The following PLXNA4 variants were observed in gnomAD, a reference collection of about 807,000 sequenced individuals.
The protein encoded by PLXNA4 is plexin A4.
Under a neutral mutation model 191.8 loss-of-function variants are expected in PLXNA4, and 44 were observed. The ratio of observed to expected loss-of-function variants is 0.23; its 90% CI spans 0.18 to 0.29. The LOEUF is 0.29. Among genes scored for constraint, PLXNA4 ranks in the 10% least tolerant of loss-of-function variants. The pLI is 1.00. For missense variants in PLXNA4, 1,800 were observed against 2,488.8 expected, an observed-to-expected ratio of 0.72 and a Z score of 5.89; for synonymous variants, 1,082 against 1,009.5, an observed-to-expected ratio of 1.07 and a Z score of -1.36.
intron 3 of PLXNA4, among the ~76,000 whole-genome samples, chr7:132,322,252 G>A (rs919050934): frequency 7.4e-5 from 11 of 149,076 alleles, no homozygotes; most frequent in African/African-American, 2.3e-4. Flanking sequence ...GTGCAAACTC[G>A]GCTCACTGCA....
At chr7:132,321,268 T>C (rs1175734851) in intron 3 of PLXNA4, among the ~76,000 whole-genome samples, 3 of 152,170 alleles carry the variant, frequency 2.0e-5, no homozygotes, top group Non-Finnish European at 4.4e-5. Context: ...CTGTTATTTT[T>C]CTGTCTGCCA....
At chr7:132,647,467 A>G (rs1192911290) in intron 1 of PLXNA4, among the ~76,000 whole-genome samples, 1 of 152,070 alleles carries the variant, frequency 6.6e-6, no homozygotes, top group African/African-American at 2.4e-5. Context: ...ACACAGTCAC[A>G]CATATACTCA....
intron 3 of PLXNA4, among the ~76,000 whole-genome samples, chr7:132,451,945 C>T (rs1426492): frequency 0.7 from 106,607 of 152,216 alleles, 43,413 homozygotes; most frequent in Non-Finnish European, 0.91. Context: ...TGTCTGGAAG[C>T]TCTTCCCAAA....
At chr7:132,507,384 A>G (rs1483336019) in intron 2 of PLXNA4, 122 bp downstream of exon 2, 2 of 1,076,334 alleles carry the variant, frequency 1.9e-6, no homozygotes, top group Non-Finnish European at 2.6e-6. Flanking sequence ...CAGAGATGGG[A>G]TGGGATATAC....
chr7:132,174,945 A>AT (rs1326070981), intron 20 of PLXNA4, 25 bp from the exon 21 acceptor site: 1 of 1,612,700 alleles, frequency 6.2e-7, no homozygotes. Context: ...AGCCTGTGAG[A>AT]TGGCTGGATG....
intron 3 of PLXNA4, among the ~76,000 whole-genome samples, chr7:132,430,929 T>A (rs761528652): frequency 6.6e-6 from 1 of 151,762 alleles, no homozygotes. Flanking sequence ...AGCGGAAGAG[T>A]GGCTGTGGGC....
At chr7:132,306,677 G>T (rs1474917156) in intron 3 of PLXNA4, among the ~76,000 whole-genome samples, 2 of 152,246 alleles carry the variant, frequency 1.3e-5, no homozygotes, top group South Asian at 2.1e-4. Context: ...TGAATGAATG[G>T]CCTGAGAAGC....
At chr7:132,468,493 A>C (rs1376763481) in intron 3 of PLXNA4, among the ~76,000 whole-genome samples, 1 of 152,168 alleles carries the variant, frequency 6.6e-6, no homozygotes, top group Admixed American at 6.5e-5. Flanking sequence ...TCAGGTGGGG[A>C]AGTCTTAGCC....
chr7:132,436,769 T>C (rs991835420), intron 3 of PLXNA4, among the ~76,000 whole-genome samples: 1 of 152,148 alleles, frequency 6.6e-6, no homozygotes, highest in African/African-American at 2.4e-5. Flanking sequence ...AAGGAGAAGC[T>C]GAAAGATGTT....
At chr7:132,562,868 CCT>C (rs1801308650) in intron 1 of PLXNA4, among the ~76,000 whole-genome samples, 1 of 126,088 alleles carries the variant, frequency 7.9e-6, no homozygotes, top group Admixed American at 7.5e-5. Context: ...TCCTCCTTCT[CCT>C]CCTCCTCTTC....
intron 1 of PLXNA4, among the ~76,000 whole-genome samples, chr7:132,535,216 G>A (rs1018357029): frequency 2.6e-5 from 4 of 152,302 alleles, no homozygotes; most frequent in African/African-American, 9.6e-5. Flanking sequence ...CTGGATTTAT[G>A]TTCACCATCA....
At chr7:132,386,488 C>A (rs1352925905) in intron 3 of PLXNA4, among the ~76,000 whole-genome samples, 4 of 152,156 alleles carry the variant, frequency 2.6e-5, no homozygotes, top group Non-Finnish European at 5.9e-5. Flanking sequence ...TGCAGCCTAG[C>A]TTTTTCTTTC....
intron 2 of PLXNA4, among the ~76,000 whole-genome samples, chr7:132,635,518 G>A (rs1330226767): frequency 3.9e-5 from 6 of 152,040 alleles, no homozygotes; most frequent in African/African-American, 1.2e-4. Context: ...TAGAACACAC[G>A]ATGTTCCCAG....
At chr7:132,401,948 C>T (rs547993888) in intron 3 of PLXNA4, among the ~76,000 whole-genome samples, 1 of 152,064 alleles carries the variant, frequency 6.6e-6, no homozygotes, top group Non-Finnish European at 1.5e-5. Flanking sequence ...AATATAGTAT[C>T]GATGGGTATA....
chr7:132,360,341 C>T (rs1425958810), intron 3 of PLXNA4, among the ~76,000 whole-genome samples: 4 of 152,128 alleles, frequency 2.6e-5, no homozygotes, highest in African/African-American at 7.2e-5. Context: ...GCTAATGAAC[C>T]CCAAGACAGC....
rs552292650 is a variant in PLXNA4, at chr7:132,583,611, C to T, written c.-87+62317G>A. Among the ~76,000 whole-genome samples, 13 of 152,270 alleles carry T rather than the reference C, an allele frequency of 8.5e-5. 1 individual carries two copies. Among genetic ancestry groups the T allele is most frequent in the African/African-American group, 2.4e-4 (10 of 41,546 alleles). ...TGCCTATGCAAAGCAGAGAAAGAGC[C>T]GCAGACAGTTGCCTTAGGGATTCTG... On this transcript the variant is annotated intron_variant, in intron 2 of 4. Transcript: ENST00000378539.
chr7:132,330,175 C>G (rs2341821), intron 3 of PLXNA4, among the ~76,000 whole-genome samples: 74,553 of 151,982 alleles, frequency 0.49, 20,004 homozygotes, highest in African/African-American at 0.71. Flanking sequence ...GCAGAGCCAC[C>G]GAGGTGGGAA....
At chr7:132,544,397 A>C (rs559169870) in intron 1 of PLXNA4, among the ~76,000 whole-genome samples, 7 of 152,332 alleles carry the variant, frequency 4.6e-5, no homozygotes, top group African/African-American at 1.7e-4. Context: ...CTCTAAGTGA[A>C]ATTGGCTGAC....
intron 3 of PLXNA4, among the ~76,000 whole-genome samples, chr7:132,304,137 G>C (rs1181472968): frequency 6.9e-6 from 1 of 145,790 alleles, no homozygotes; most frequent in Admixed American, 6.9e-5. Flanking sequence ...ATTTCATAAA[G>C]ACGTAACATA....
Sources: allele counts gnomAD v4.1 joint callset (sites outside exome capture counted in the v4.1 genomes callset), GRCh38; gene constraint gnomAD v4.1.1; transcripts MANE v1.5; gene names NCBI Gene and HGNC (gene_info 2026-07-23, HGNC 2026-07-21).